COG2: variants seen among roughly 807,000 people sequenced by gnomAD.
The protein encoded by COG2 is conserved oligomeric Golgi complex subunit 2.
A neutral mutation model predicts 90.6 loss-of-function variants in COG2; 52 were observed. That is an observed-to-expected ratio of 0.57 (90% CI 0.46 to 0.72). COG2 has a LOEUF of 0.72. Ranked by LOEUF, COG2 falls within the 30% of genes least tolerant of loss-of-function variation. The pLI, the probability that COG2 is intolerant of heterozygous loss-of-function variation, is 0.00. For synonymous variants in COG2, 337 were observed against 320.4 expected (o/e 1.05, Z -0.55); for missense variants, 829 against 891.2 (o/e 0.93, Z 0.89).
At chr1:230,692,348 AAAAG>A (rs1314916535) in intron 17 of COG2, among the ~76,000 whole-genome samples, 1 of 150,138 alleles carries the variant, frequency 6.7e-6, no homozygotes, top group African/African-American at 2.5e-5. Context: ...TGTTAATAGA[AAAAG>A]AAAAAAAAAA....
At chr1:230,676,721 T>C (rs542899138) in intron 9 of COG2, among the ~76,000 whole-genome samples, 25 of 152,302 alleles carry the variant, frequency 1.6e-4, no homozygotes, top group African/African-American at 6.0e-4. Context: ...TTGATGATAA[T>C]TTATTTTTTT....
At chr1:230,676,020 C>G (rs562612975) in intron 9 of COG2, among the ~76,000 whole-genome samples, 1 of 151,928 alleles carries the variant, frequency 6.6e-6, no homozygotes, top group South Asian at 2.1e-4. Flanking sequence ...GTTAGGATTT[C>G]AAAAATCAAT....
chr1:230,668,893 AT>A, intron 6 of COG2, 109 bp downstream of exon 6: 12 of 679,504 alleles, frequency 1.8e-5, no homozygotes, highest in South Asian at 5.8e-5. Flanking sequence ...CTAACCTTGC[AT>A]TTTTTTTCAA....
At chr1:230,688,959 T>C (rs568619783) in intron 15 of COG2, among the ~76,000 whole-genome samples, 2 of 152,310 alleles carry the variant, frequency 1.3e-5, no homozygotes, top group South Asian at 4.1e-4. Context: ...AGTTGGCCCC[T>C]TATCCCCAGG....
intron 3 of COG2, chr1:230,661,624 G>A (rs1197073306): frequency 6.6e-6 from 1 of 152,028 alleles, no homozygotes; most frequent in East Asian, 1.9e-4. Flanking sequence ...GACAGTCCCT[G>A]GCACATAGTA....
At chr1:230,670,568 A>G (rs533791185) in intron 7 of COG2, 10 of 152,126 alleles carry the variant, frequency 6.6e-5, no homozygotes, top group African/African-American at 1.9e-4. Context: ...AGCTGTCTCT[A>G]TGGGGGTGAA....
At chr1:230,653,985 A>T (rs189362407) in intron 1 of COG2, among the ~76,000 whole-genome samples, 37 of 152,210 alleles carry the variant, frequency 2.4e-4, no homozygotes, top group African/African-American at 5.3e-4. Flanking sequence ...ATTTTCTTGT[A>T]TGTTTAAGTT....
At position 230,668,789 on chromosome 1, in the gene COG2, GTGT is replaced by G; in HGVS notation, c.594+10_594+12del. ...CTTTTGGACAAAGTAAGACCGGTAA[GTGT>G]TGTTTTGGATTTCCACAGTTTGGTG... On this transcript the variant is annotated splice_donor_region_variant and intron_variant, in intron 6 of 17. Transcript: ENST00000366669. 1 of 1,565,746 alleles carries G rather than the reference GTGT, an allele frequency of 6.4e-7. No individual in the cohort carries two copies. Among genetic ancestry groups the G allele is most frequent in the Non-Finnish European group, 8.8e-7 (1 of 1,142,748 alleles).
chr1:230,690,704 T>C (rs1558281271), intron 16 of COG2, among the ~76,000 whole-genome samples: 1 of 152,226 alleles, frequency 6.6e-6, no homozygotes, highest in Non-Finnish European at 1.5e-5. Context: ...GTTACCAATT[T>C]TGTTTAATTA....
chr1:230,684,706 A>G (rs1662843925), intron 11 of COG2, among the ~76,000 whole-genome samples: 1 of 152,242 alleles, frequency 6.6e-6, no homozygotes, highest in South Asian at 2.1e-4. Context: ...GAGATAGAGG[A>G]AGACTCTTGT....
intron 1 of COG2, among the ~76,000 whole-genome samples, chr1:230,654,896 TTGTC>T (rs1201196831): frequency 1.3e-5 from 2 of 152,184 alleles, no homozygotes; most frequent in Non-Finnish European, 2.9e-5. Flanking sequence ...GGCTCTCTGT[TTGTC>T]TGTTATTGGT....
intron 4 of COG2, 49 bp downstream of exon 4, chr1:230,663,270 T>C: frequency 6.9e-7 from 1 of 1,459,196 alleles, no homozygotes; most frequent in Non-Finnish European, 9.5e-7. Flanking sequence ...TGTAGCACCT[T>C]GTAGTAACAA....
Position 230,690,009 on chromosome 1 carries a change from T to C in COG2, c.1795-5T>C. On this transcript the variant is annotated splice_region_variant and splice_polypyrimidine_tract_variant and intron_variant, in intron 15 of 17. Coordinates refer to ENST00000366669, the MANE Select transcript of COG2 (RefSeq NM_007357.3). ...CATCTTTATCTCCTACCATCATCAT[T>C]CCAGGAGGTCCCAACCACAGCTTCC... 6.3e-7 allele frequency: 1 copy of C among 1,586,296 alleles called. No homozygotes were observed. The highest frequency in any genetic ancestry group is 1.7e-4 in the Middle Eastern group (1 of 5,902).
At chr1:230,664,626 T>A in intron 5 of COG2, 39 bp downstream of exon 5, 1 of 1,048,402 alleles carries the variant, frequency 9.5e-7, no homozygotes, top group Non-Finnish European at 1.4e-6. Flanking sequence ...AATTAATACT[T>A]CACATCCAGA....
At chr1:230,653,730 T>A (rs1451700452) in intron 1 of COG2, among the ~76,000 whole-genome samples, 1 of 152,124 alleles carries the variant, frequency 6.6e-6, no homozygotes, top group Non-Finnish European at 1.5e-5. Context: ...GGTTGGGAAG[T>A]TCAAGATCAA....
chr1:230,681,004 C>A (rs1480822821), intron 10 of COG2: 1 of 152,176 alleles, frequency 6.6e-6, no homozygotes, highest in African/African-American at 2.4e-5. Context: ...TGACTATATA[C>A]CCACATCCCA....
intron 10 of COG2, 137 bp from the exon 11 acceptor site, chr1:230,683,437 A>C: frequency 5.7e-6 from 3 of 525,420 alleles, no homozygotes; most frequent in Non-Finnish European, 1.0e-5. Flanking sequence ...AAAGCCTGGG[A>C]GAATAGGCAT....
intron 10 of COG2, chr1:230,679,906 TC>T (rs1383508639): frequency 6.6e-6 from 1 of 152,168 alleles, no homozygotes. Context: ...GAGAGGGAAA[TC>T]AAGAATTAGG....
At position 230,669,195 on chromosome 1, in the gene COG2, T is replaced by C. The variant is rs1662388848; in HGVS notation, c.595-161T>C. The C allele has an allele frequency of 1.1e-5, 6 of 569,626 alleles. No homozygotes were observed. In the South Asian group the frequency reaches 1.3e-4, roughly 13 times the overall value. The allele number at this position is 569,626 out of a possible 1,614,324, so 35.3% of individuals were successfully genotyped here. ...AAGCAGAGATTTACTTATAAAGTGA[T>C]TGGAGTGAGGGGTTCATTGTTATTC... On this transcript the variant is annotated intron_variant, in intron 6 of 17. Transcript: ENST00000366669.
Sources: allele counts gnomAD v4.1 joint callset (sites outside exome capture counted in the v4.1 genomes callset), GRCh38; gene constraint gnomAD v4.1.1; transcripts MANE v1.5; gene names NCBI Gene and HGNC (gene_info 2026-07-23, HGNC 2026-07-21).